Variants in MYLK4 observed in about 807,000 individuals in gnomAD.
The protein encoded by MYLK4 is myosin light chain kinase family member 4, also known as caMLCK like.
Under a neutral mutation model 48.1 loss-of-function variants are expected in MYLK4, and 46 were observed. The ratio of observed to expected loss-of-function variants is 0.96; its 90% CI spans 0.75 to 1.22. The LOEUF (loss-of-function observed/expected upper bound fraction) is 1.22. MYLK4 is among the 50% of genes most tolerant of loss of function. MYLK4 has a pLI of 0.00. For synonymous variants in MYLK4, 170 were observed against 180.8 expected (o/e 0.94, Z 0.48); for missense variants, 451 against 486.1 (o/e 0.93, Z 0.68).
chr6:2,699,282 C>CTTTTTTTTTTTTTTTTTTTTTTT (rs1762184790), intron 2 of MYLK4, among the ~76,000 whole-genome samples: 3 of 63,572 alleles, frequency 4.7e-5, no homozygotes, highest in African/African-American at 1.8e-4. Flanking sequence ...CTTTTCTTTT[C>CTTTTTTTTTTTTTTTTTTTTTTT]TTTTCTTTTT....
chr6:2,697,054 G>A (rs770370649), intron 2 of MYLK4, among the ~76,000 whole-genome samples: 48 of 152,194 alleles, frequency 3.2e-4, no homozygotes, highest in Non-Finnish European at 4.6e-4. Context: ...GAGAGACTCC[G>A]TCTCAAAAAT....
In MYLK4 at chr6:2,668,842, G is replaced by A. The variant is rs149084467; in HGVS notation, c.*26-943C>T. Reference sequence around the variant, plus strand: ...CTCAGTGCTTTGGGAGGCAGAGGCAGGAGGATCACTTGAGCTCAGGAGTTC... The same window carrying A: ...CTCAGTGCTTTGGGAGGCAGAGGCAAGAGGATCACTTGAGCTCAGGAGTTC... On this transcript the variant is annotated intron_variant, in intron 12 of 12. Coordinates refer to ENST00000274643, the MANE Select transcript of MYLK4 (RefSeq NM_001012418.5). Among the ~76,000 whole-genome samples the A allele has an allele frequency of 5.7e-3, 864 of 152,204 alleles. 6 individuals carry two copies. Among genetic ancestry groups the A allele is most frequent in the African/African-American group, 0.018 (766 of 41,520 alleles).
the MYLK4 span, chr6:2,768,800 A>G: frequency 1.2e-6 from 2 of 1,614,072 alleles, no homozygotes; most frequent in Non-Finnish European, 1.7e-6. Flanking sequence ...GTCATAAAAC[A>G]AGCTCAAAAT....
chr6:2,680,424 C>A, intron 7 of MYLK4, 133 bp from the exon 8 acceptor site: 10 of 1,522,678 alleles, frequency 6.6e-6, no homozygotes, highest in Non-Finnish European at 8.7e-6. Context: ...CGGGCTTGTC[C>A]GTGTGGGTAC....
chr6:2,765,442 G>A, the MYLK4 span: 1 of 666,994 alleles, frequency 1.5e-6, no homozygotes, highest in Non-Finnish European at 2.1e-6. Context: ...GGCCGAGGGC[G>A]GGCGGACGCG....
chr6:2,768,617 T>TG, the MYLK4 span: 1 of 1,315,904 alleles, frequency 7.6e-7, no homozygotes, highest in South Asian at 1.7e-5. Flanking sequence ...ATGCTGCGTG[T>TG]GGTGGTTCCC....
rs564484571 is a variant in MYLK4 at position 2,744,526 on chromosome 6, G to A, written c.159+4610C>T. ...TTGAGATCTAAGTTATAGTCATTAC[G>A]GATGGTGCTGATGGTACAATTTCAC... is the stretch of plus-strand genomic sequence containing the variant. On this transcript the variant is annotated intron_variant, in intron 2 of 12. Transcript: ENST00000274643. 8.2e-4 allele frequency among the ~76,000 whole-genome samples: 125 copies of A among 152,282 alleles called. 1 individual carries two copies. The highest frequency in any genetic ancestry group is 5.7e-4 in the Non-Finnish European group (39 of 68,020).
chr6:2,685,677 G>T lies in MYLK4; in HGVS notation c.342-101C>A, dbSNP rs2113140678. The stretch of plus-strand genomic sequence containing the variant: ...TATTTCTCCTGCTGAGTCTGGATGA[G>T]CAGCCCTCTGAGGAGTTCTTTCAGT... On this transcript the variant is annotated intron_variant, in intron 4 of 12. Coordinates refer to ENST00000274643, the MANE Select transcript of MYLK4 (RefSeq NM_001012418.5). This position sits in a 1 kb window ranked among gnomAD's most constrained non-coding sequence, Gnocchi z 4.5. The T allele has an allele frequency of 1.0e-6, 1 of 1,002,170 alleles. No individual in the cohort carries two copies. The highest frequency in any genetic ancestry group is 1.5e-6 in the Non-Finnish European group (1 of 650,472). 62.1% of individuals were successfully genotyped at this position (1,002,170 alleles called of 1,614,324 possible).
At chr6:2,764,173 G>A in the MYLK4 span, among the ~76,000 whole-genome samples, 46,583 of 151,826 alleles carry the variant, frequency 0.31, 7,259 homozygotes, top group East Asian at 0.4. Flanking sequence ...GTAGTTTCAC[G>A]TTACATGATG....
At chr6:2,766,755 C>A in the MYLK4 span, among the ~76,000 whole-genome samples, 1 of 151,872 alleles carries the variant, frequency 6.6e-6, no homozygotes, top group African/African-American at 2.4e-5. Flanking sequence ...CATCGGTCTC[C>A]CCGCCCCCTC....
chr6:2,693,093 C>A (rs187016274), intron 2 of MYLK4, among the ~76,000 whole-genome samples: 1 of 152,252 alleles, frequency 6.6e-6, no homozygotes, highest in East Asian at 1.9e-4. Flanking sequence ...TCACCCGTCA[C>A]CCCAGGCTGA....
intron 2 of MYLK4, among the ~76,000 whole-genome samples, chr6:2,708,940 A>G (rs1266884059): frequency 1.3e-5 from 2 of 152,218 alleles, no homozygotes; most frequent in Non-Finnish European, 2.9e-5. Context: ...TTCTTTTAGA[A>G]GATATTTTGC....
intron 2 of MYLK4, among the ~76,000 whole-genome samples, chr6:2,739,835 A>G (rs1039151393): frequency 6.6e-6 from 1 of 152,218 alleles, no homozygotes; most frequent in Non-Finnish European, 1.5e-5. Flanking sequence ...ACATTTTACA[A>G]AGAACTTTCA....
chr6:2,749,265 G>T lies in MYLK4; in HGVS notation c.30C>A (p.Phe10Leu), dbSNP rs1283069837. 1 of 1,613,890 alleles carries T rather than the reference G, an allele frequency of 6.2e-7. No individual in the cohort carries two copies. Among genetic ancestry groups the T allele is most frequent in the Non-Finnish European group, 8.5e-7 (1 of 1,179,982 alleles). MLKVKRLEE[F>L]NTCYNSNQLE... ...GCTGGTTGCTGTTATAACACGTGTT[G>T]AATTCTTCCAGCCTCTTCACTTTTA... is the stretch of plus-strand genomic sequence containing the variant. The change falls in exon 2 of 13, where the codon TTC becomes TTA. Residue 10 changes from phenylalanine (F) to leucine (L), a missense_variant. Transcript: ENST00000274643.
chr6:2,694,461 GTGA>G (rs896129726), intron 2 of MYLK4, among the ~76,000 whole-genome samples: 6 of 52,756 alleles, frequency 1.1e-4, no homozygotes, highest in Non-Finnish European at 1.6e-4. Flanking sequence ...CCAGTACGTA[GTGA>G]TGATGATGAT....
the MYLK4 span, among the ~76,000 whole-genome samples, chr6:2,764,157 C>A: frequency 6.6e-6 from 1 of 152,142 alleles, no homozygotes; most frequent in East Asian, 1.9e-4. Context: ...TCACGATCCT[C>A]TTTTGGTAGT....
In MYLK4 at chr6:2,678,522, A is replaced by T. The variant is rs1459639141; in HGVS notation, c.888-150T>A. 8.2e-6 allele frequency: 7 copies of T among 852,788 alleles called. No individual in the cohort carries two copies. The East Asian group carries it at 2.0e-4, about 24-fold the overall frequency. The allele number at this position is 852,788 out of a possible 1,614,324, so 52.8% of individuals were successfully genotyped here. On this transcript the variant is annotated intron_variant, in intron 9 of 12. Coordinates refer to ENST00000274643, the MANE Select transcript of MYLK4 (RefSeq NM_001012418.5). The stretch of plus-strand genomic sequence containing the variant: ...ATTTTATAACATATTATTGTAATCA[A>T]GAAAATGCTTGCCGCCCCCACCCAA...
intron 2 of MYLK4, among the ~76,000 whole-genome samples, chr6:2,722,929 T>A (rs6596911): frequency 0.86 from 130,602 of 152,194 alleles, 56,423 homozygotes; most frequent in East Asian, 1. Context: ...GAGAACCTAT[T>A]GTATCACCTT....
intron 2 of MYLK4, among the ~76,000 whole-genome samples, chr6:2,741,218 T>C (rs1307244399): frequency 2.0e-5 from 3 of 152,194 alleles, no homozygotes; most frequent in Admixed American, 6.5e-5. Flanking sequence ...TTTATAACCA[T>C]TATGTTTTAG....
Sources: allele counts gnomAD v4.1 joint callset (sites outside exome capture counted in the v4.1 genomes callset), GRCh38; gene constraint gnomAD v4.1.1; non-coding constraint Gnocchi (gnomAD v3.1); transcripts MANE v1.5; gene names NCBI Gene and HGNC (gene_info 2026-07-23, HGNC 2026-07-21).